LRRIQ1: variants seen among roughly 807,000 people sequenced by gnomAD.
LRRIQ1 encodes leucine rich repeats and IQ motif containing 1, also known as leucine-rich repeat- and IQ domain-containing protein 1.
In LRRIQ1, 210 loss-of-function variants were observed where a neutral mutation model predicts 211.9. The observed-to-expected ratio is 0.99, with a 90% CI of 0.89 to 1.11. The LOEUF (loss-of-function observed/expected upper bound fraction) is 1.11, where lower values mean the gene tolerates loss of function less well. Among genes scored for constraint, LRRIQ1 ranks in the 50% most tolerant of loss-of-function variants. The pLI is 0.00. For missense variants in LRRIQ1, 2,136 were observed against 1,939.5 expected, an observed-to-expected ratio of 1.10 and a Z score of -1.90; for synonymous variants, 699 against 650.1, an observed-to-expected ratio of 1.08 and a Z score of -1.14.
At chr12:85,156,174 T>C (rs2136693920) in intron 23 of LRRIQ1, among the ~76,000 whole-genome samples, 1 of 151,872 alleles carries the variant, frequency 6.6e-6, no homozygotes, top group South Asian at 2.1e-4. Context: ...AGGTTTTGTA[T>C]CTCTATGTAT....
downstream of LRRIQ1, among the ~76,000 whole-genome samples, chr12:85,247,168 C>A (rs1895749716): frequency 6.6e-6 from 1 of 151,510 alleles, no homozygotes; most frequent in African/African-American, 2.4e-5. Flanking sequence ...CTCTTAGTTG[C>A]TTAATTAAAA....
chr12:85,195,821 A>G (rs534660245), intron 24 of LRRIQ1, among the ~76,000 whole-genome samples: 2 of 152,240 alleles, frequency 1.3e-5, no homozygotes, highest in South Asian at 4.1e-4. Context: ...GGAAATTCTG[A>G]CCAGGGCAAT....
intron 24 of LRRIQ1, among the ~76,000 whole-genome samples, chr12:85,197,121 C>A (rs1238755537): frequency 1.3e-5 from 2 of 152,144 alleles, no homozygotes; most frequent in African/African-American, 4.8e-5. Flanking sequence ...ATCAAAACCA[C>A]AATGAGATAC....
At chr12:85,225,078 C>A (rs1229791602) in intron 24 of LRRIQ1, among the ~76,000 whole-genome samples, 1 of 151,926 alleles carries the variant, frequency 6.6e-6, no homozygotes. Context: ...GTAGGTTCAA[C>A]CAACTGCAGA....
intron 18 of LRRIQ1, 122 bp from the exon 19 acceptor site, chr12:85,137,728 C>A: frequency 1.6e-4 from 110 of 696,820 alleles, no homozygotes; most frequent in Middle Eastern, 3.0e-4. Flanking sequence ...GTTCAGAAAA[C>A]AGATTATTGT....
intron 24 of LRRIQ1, among the ~76,000 whole-genome samples, chr12:85,173,116 TAAATA>T (rs916881053): frequency 5.9e-5 from 9 of 151,978 alleles, no homozygotes; most frequent in South Asian, 2.1e-4. Context: ...TCAAAAACAA[TAAATA>T]AAATAAAATA....
intron 16 of LRRIQ1, among the ~76,000 whole-genome samples, chr12:85,122,949 T>G (rs1473689362): frequency 6.6e-6 from 1 of 152,038 alleles, no homozygotes; most frequent in African/African-American, 2.4e-5. Flanking sequence ...AACTTAAGTT[T>G]TATTTTAGCA....
intron 26 of LRRIQ1, among the ~76,000 whole-genome samples, chr12:85,240,469 T>G (rs895707710): frequency 1.2e-4 from 19 of 152,148 alleles, no homozygotes; most frequent in Admixed American, 2.0e-4. Flanking sequence ...AAATATACAC[T>G]TAACATACGA....
chr12:85,055,895 A>C lies in LRRIQ1; in HGVS notation c.1102A>C (p.Lys368Gln). The change falls in exon 8 of 27, where the codon AAG becomes CAG. Residue 368 changes from lysine (K) to glutamine (Q), a missense_variant. Lys to Gln is a moderately conservative substitution (Grantham distance 53). Transcript: ENST00000393217. ...GAGAGAAAAAGAATATGAAGAAAAA[A>C]AGAATATTGTGAAACAGGAAAGAGA... ...KRREKEYEEK[K>Q]NIVKQEREQL... is the part of the protein sequence containing the mutation. 2 of 1,595,538 alleles carry C rather than the reference A, an allele frequency of 1.3e-6. No individual in the cohort carries two copies. Among genetic ancestry groups the C allele is most frequent in the South Asian group, 2.3e-5 (2 of 85,830 alleles).
At chr12:85,167,887 G>A (rs942379510) in intron 24 of LRRIQ1, among the ~76,000 whole-genome samples, 22 of 143,848 alleles carry the variant, frequency 1.5e-4, no homozygotes, top group Non-Finnish European at 3.1e-4. Flanking sequence ...CTAACCTAAC[G>A]CAGCTAGCAT....
Position 85,105,026 on chromosome 12 carries a change from T to C in LRRIQ1, c.3283+949T>C, listed in dbSNP as rs191636880. ...CGTTGAACTTCTTTACAAGTGTTTA[T>C]TGGTGATTTTTGCACCCTCTTTTGT... On this transcript the variant is annotated intron_variant, in intron 14 of 26. Coordinates refer to ENST00000393217, the MANE Select transcript of LRRIQ1 (RefSeq NM_001079910.2). 2.6e-3 allele frequency among the ~76,000 whole-genome samples: 401 copies of C among 152,226 alleles called. 4 individuals carry two copies. The highest frequency in any genetic ancestry group is 9.5e-3 in the African/African-American group (393 of 41,576).
intron 24 of LRRIQ1, among the ~76,000 whole-genome samples, chr12:85,208,536 T>C (rs1413941878): frequency 2.0e-5 from 3 of 152,106 alleles, no homozygotes; most frequent in Non-Finnish European, 4.4e-5. Context: ...ATACTTAAGA[T>C]AGTGGATTCA....
intron 24 of LRRIQ1, among the ~76,000 whole-genome samples, chr12:85,229,257 TCAAAAA>T (rs1195966684): frequency 6.6e-6 from 1 of 152,188 alleles, no homozygotes; most frequent in Non-Finnish European, 1.5e-5. Context: ...AATTAAAAAC[TCAAAAA>T]CAAACCCTAT....
Position 85,140,634 on chromosome 12 carries a change from GTGA to G in LRRIQ1, c.4329+2670_4329+2672del. ...ACTGCTTCCATTATAATGTTAAATA[GTGA>G]TGATATTAGCAAGCGTCTTTTTCTA... On this transcript the variant is annotated intron_variant, in intron 19 of 26. Transcript: ENST00000393217. 2.6e-5 allele frequency among the ~76,000 whole-genome samples: 4 copies of G among 151,066 alleles called. No homozygotes were observed. The Middle Eastern group carries it at 0.014, about 517-fold the overall frequency.
Position 85,241,948 on chromosome 12 carries a change from T to C in LRRIQ1, c.5017-2841T>C, listed in dbSNP as rs114890032. Among the ~76,000 whole-genome samples, 752 of 152,170 alleles carry C rather than the reference T, an allele frequency of 4.9e-3. 8 individuals carry two copies. The highest frequency in any genetic ancestry group is 0.017 in the African/African-American group (726 of 41,562). On this transcript the variant is annotated intron_variant, in intron 26 of 26. Coordinates refer to ENST00000393217, the MANE Select transcript of LRRIQ1 (RefSeq NM_001079910.2). Reference sequence around the variant, plus strand: ...TGGAGGTGAATCAGAATCCAAATGCTTGGAAAGTCCTGTCCCAAAATGTAC... The same window carrying C: ...TGGAGGTGAATCAGAATCCAAATGCCTGGAAAGTCCTGTCCCAAAATGTAC...
chr12:85,212,334 A>G (rs948554221), intron 24 of LRRIQ1, among the ~76,000 whole-genome samples: 5 of 152,002 alleles, frequency 3.3e-5, no homozygotes, highest in Non-Finnish European at 7.4e-5. Flanking sequence ...GAAAAGAAAA[A>G]AAACAGGGAA....
exon 2 of LRRIQ1, among the ~76,000 whole-genome samples, chr12:85,263,392 A>G (rs1896351006): frequency 6.6e-6 from 1 of 152,084 alleles, no homozygotes. Context: ...TTAATGCTAT[A>G]CACATAAAAG....
intron 19 of LRRIQ1, among the ~76,000 whole-genome samples, chr12:85,138,818 A>G (rs1592866132): frequency 6.6e-6 from 1 of 151,674 alleles, no homozygotes; most frequent in Non-Finnish European, 1.5e-5. Flanking sequence ...ATTTTCTTTC[A>G]TCTACCTATA....
intron 23 of LRRIQ1, among the ~76,000 whole-genome samples, chr12:85,159,759 T>G (rs1890763207): frequency 6.6e-6 from 1 of 152,020 alleles, no homozygotes. Flanking sequence ...CATGTCATTT[T>G]TTTTTGTAAA....
Sources: allele counts gnomAD v4.1 joint callset (sites outside exome capture counted in the v4.1 genomes callset), GRCh38; gene constraint gnomAD v4.1.1; transcripts MANE v1.5; gene names NCBI Gene and HGNC (gene_info 2026-07-23, HGNC 2026-07-21).